Variants in PRKG2 observed in about 807,000 individuals in gnomAD.
PRKG2 encodes the protein protein kinase cGMP-dependent 2, also known as cGMP-dependent protein kinase 2.
A neutral mutation model predicts 97.2 loss-of-function variants in PRKG2; 33 were observed. The ratio of observed to expected loss-of-function variants is 0.34; its 90% CI spans 0.26 to 0.45. PRKG2 has a LOEUF of 0.45. PRKG2 is among the 20% of genes least tolerant of loss of function. PRKG2 has a pLI of 1.00. For missense variants in PRKG2, 638 were observed against 900.0 expected, an observed-to-expected ratio of 0.71 and a Z score of 3.73; for synonymous variants, 330 against 321.8, an observed-to-expected ratio of 1.03 and a Z score of -0.27.
At chr4:81,156,308 C>T (rs1356619579) in intron 6 of PRKG2, among the ~76,000 whole-genome samples, 4 of 151,806 alleles carry the variant, frequency 2.6e-5, no homozygotes, top group African/African-American at 7.3e-5. Context: ...GACTTTAAAC[C>T]GACAAAGATC....
At chr4:81,106,022 T>C in intron 15 of PRKG2, 87 bp from the exon 16 acceptor site, 1 of 1,417,430 alleles carries the variant, frequency 7.1e-7, no homozygotes, top group South Asian at 1.4e-5. Flanking sequence ...CCTTCTTTCC[T>C]TCCCTCCCTT....
intron 17 of PRKG2, among the ~76,000 whole-genome samples, chr4:81,095,445 C>T (rs1457858816): frequency 6.6e-6 from 1 of 152,182 alleles, no homozygotes; most frequent in Non-Finnish European, 1.5e-5. Flanking sequence ...AATATGGCAA[C>T]AATTCCTTTT....
chr4:81,205,995 C>A (rs977242847), intron 1 of PRKG2, among the ~76,000 whole-genome samples: 4 of 152,116 alleles, frequency 2.6e-5, no homozygotes, highest in African/African-American at 9.7e-5. Flanking sequence ...ATATAAATAA[C>A]TATCACCACA....
chr4:81,159,917 C>T (rs1158446846), intron 6 of PRKG2, among the ~76,000 whole-genome samples: 1 of 135,188 alleles, frequency 7.4e-6, no homozygotes, highest in East Asian at 2.2e-4. Flanking sequence ...AATGAGAACA[C>T]ATGGACACAG....
intron 1 of PRKG2, among the ~76,000 whole-genome samples, chr4:81,209,953 A>G (rs1257275720): frequency 3.3e-5 from 5 of 152,152 alleles, no homozygotes; most frequent in Non-Finnish European, 7.4e-5. Flanking sequence ...AAAGAATACA[A>G]AAGAGAGCAA....
At chr4:81,133,218 G>C (rs1746345343) in intron 14 of PRKG2, among the ~76,000 whole-genome samples, 1 of 152,100 alleles carries the variant, frequency 6.6e-6, no homozygotes, top group South Asian at 2.1e-4. Context: ...TTAGGGATAG[G>C]TTTCTATTCC....
intron 15 of PRKG2, among the ~76,000 whole-genome samples, chr4:81,110,189 T>C (rs1422907219): frequency 6.6e-6 from 1 of 152,202 alleles, no homozygotes; most frequent in African/African-American, 2.4e-5. Flanking sequence ...TAATTTGTTA[T>C]CTACAGTAAT....
At chr4:81,170,556 G>C (rs939982138) in intron 4 of PRKG2, among the ~76,000 whole-genome samples, 7 of 152,094 alleles carry the variant, frequency 4.6e-5, no homozygotes, top group Non-Finnish European at 8.8e-5. Flanking sequence ...TCCATTGCCA[G>C]AGACTCTGAT....
At chr4:81,103,082 T>A (rs1742961420) in intron 17 of PRKG2, among the ~76,000 whole-genome samples, 1 of 152,210 alleles carries the variant, frequency 6.6e-6, no homozygotes, top group Non-Finnish European at 1.5e-5. Context: ...GCAGTAGTTA[T>A]CCAAGCACTG....
upstream of PRKG2, among the ~76,000 whole-genome samples, chr4:81,217,043 A>ATATATG (rs1553933224): frequency 9.9e-5 from 14 of 142,020 alleles, no homozygotes; most frequent in African/African-American, 2.2e-4. Context: ...ATATATATAT[A>ATATATG]TATATATATA....
At chr4:81,167,009 T>C in intron 6 of PRKG2, 152 bp downstream of exon 6, 1 of 546,174 alleles carries the variant, frequency 1.8e-6, no homozygotes, top group Admixed American at 3.8e-5. Context: ...TAACACAGCA[T>C]GAGTTGGCTT....
At chr4:81,216,818 A>G (rs560886828), upstream of PRKG2, among the ~76,000 whole-genome samples, 78 of 151,496 alleles carry the variant, frequency 5.1e-4, no homozygotes, top group African/African-American at 1.7e-3. Context: ...CACTTAGGAT[A>G]ATGGCCTCTA....
chr4:81,132,213 T>C (rs1042108741), intron 14 of PRKG2, among the ~76,000 whole-genome samples: 1 of 152,170 alleles, frequency 6.6e-6, no homozygotes, highest in African/African-American at 2.4e-5. Context: ...TTATTGCTAG[T>C]ATATAAATGC....
intron 14 of PRKG2, among the ~76,000 whole-genome samples, chr4:81,112,570 A>C (rs1009352250): frequency 1.3e-5 from 2 of 152,182 alleles, no homozygotes; most frequent in Non-Finnish European, 2.9e-5. Context: ...AAAGTGGTAT[A>C]TTTCCATTTG....
chr4:81,208,152 A>G (rs1259235455), intron 1 of PRKG2, among the ~76,000 whole-genome samples: 1 of 152,198 alleles, frequency 6.6e-6, no homozygotes, highest in Non-Finnish European at 1.5e-5. Flanking sequence ...AACCTTCTAT[A>G]TATTCCTAAA....
intron 1 of PRKG2, among the ~76,000 whole-genome samples, chr4:81,207,398 A>C (rs905035507): frequency 6.6e-6 from 1 of 152,184 alleles, no homozygotes; most frequent in Non-Finnish European, 1.5e-5. Flanking sequence ...TTCAAATCTA[A>C]TATTAAACTA....
Position 81,140,522 on chromosome 4 carries a change from TG to T in PRKG2, c.1544+10del. 1 of 1,560,490 alleles carries T rather than the reference TG, an allele frequency of 6.4e-7. No homozygotes were observed. Among genetic ancestry groups the T allele is most frequent in the Non-Finnish European group, 8.7e-7 (1 of 1,149,692 alleles). On this transcript the variant is annotated intron_variant, in intron 12 of 18. Transcript: ENST00000264399. ...AAATCCTAACTCCTTGGAAGCCAAG[TG>T]GTCACTTACTTCACAATGAATGGAG...
chr4:81,146,484 C>T (rs1268932416), intron 9 of PRKG2, among the ~76,000 whole-genome samples: 2 of 152,134 alleles, frequency 1.3e-5, no homozygotes, highest in Admixed American at 1.3e-4. Flanking sequence ...TATTTTATCA[C>T]ATTTAAAAAT....
Position 81,174,931 on chromosome 4 carries a change from T to C in PRKG2, c.490A>G (p.Asn164Asp), listed in dbSNP as rs1750794346. 6.2e-7 allele frequency: 1 copy of C among 1,612,092 alleles called. No homozygotes were observed. The highest frequency in any genetic ancestry group is 8.5e-7 in the Non-Finnish European group (1 of 1,178,654). Residue 164 changes from asparagine (N) to aspartate (D), a missense_variant, in exon 3 of 19, where the codon AAT (asparagine) becomes GAT (aspartate). Coordinates refer to ENST00000264399, the MANE Select transcript of PRKG2 (RefSeq NM_006259.3). ...AGTCTTTTCAGAAACTGATTTTTAT[T>C]AAGGGCATCTGTAATGAGCTTCTTC... ...SEKKLITDAL[N>D]KNQFLKRLDP...
Sources: allele counts gnomAD v4.1 joint callset (sites outside exome capture counted in the v4.1 genomes callset), GRCh38; gene constraint gnomAD v4.1.1; transcripts MANE v1.5; gene names NCBI Gene and HGNC (gene_info 2026-07-23, HGNC 2026-07-21).